The following SDK1 variants were observed in gnomAD, a reference collection of about 807,000 sequenced individuals.
The protein encoded by SDK1 is sidekick cell adhesion molecule 1.
Under a neutral mutation model 245.5 loss-of-function variants are expected in SDK1, and 157 were observed. That is an observed-to-expected ratio of 0.64 (90% CI 0.56 to 0.73). The LOEUF (loss-of-function observed/expected upper bound fraction) is 0.73. Among genes scored for constraint, SDK1 ranks in the 30% least tolerant of loss-of-function variants. The probability of loss-of-function intolerance (pLI) is 0.00; values close to 1 mark genes in which losing one functional copy is unlikely to be tolerated. For missense variants in SDK1, 3,583 were observed against 3,002.3 expected (o/e 1.19, Z -4.52); for synonymous variants, 1,647 against 1,278.5 (o/e 1.29, Z -6.15).
intron 1 of SDK1, among the ~76,000 whole-genome samples, chr7:3,535,944 C>G (rs900914027): frequency 6.6e-6 from 1 of 151,904 alleles, no homozygotes; most frequent in Non-Finnish European, 1.5e-5. Context: ...ATATTTATTA[C>G]TAGTCAATAT....
chr7:3,537,110 C>A (rs1232623040), intron 1 of SDK1, among the ~76,000 whole-genome samples: 1 of 152,154 alleles, frequency 6.6e-6, no homozygotes, highest in African/African-American at 2.4e-5. Context: ...TCCCTTAAAT[C>A]CCTGTTATCC....
intron 4 of SDK1, among the ~76,000 whole-genome samples, chr7:3,761,602 A>C (rs1317561302): frequency 6.6e-6 from 1 of 151,672 alleles, no homozygotes; most frequent in African/African-American, 2.4e-5. Context: ...TACAAGGATG[A>C]AGGTAGGGAA....
chr7:3,494,090 C>T (rs1055755544), intron 1 of SDK1, among the ~76,000 whole-genome samples: 4 of 151,958 alleles, frequency 2.6e-5, no homozygotes, highest in Admixed American at 6.6e-5. Context: ...ATTTAGAAGT[C>T]AGACATGTTC....
In SDK1 at chr7:3,977,434, C is replaced by A. The variant is rs116658725; in HGVS notation, c.1994+2889C>A. On this transcript the variant is annotated intron_variant, in intron 13 of 44. Coordinates refer to ENST00000404826, the MANE Select transcript of SDK1 (RefSeq NM_152744.4). Reference sequence around the variant, plus strand: ...GGGCTGAGGCTGCCACACAGAGGGTCCTCCAGCTTTTGTGTACGCATGGGG... The same window carrying A: ...GGGCTGAGGCTGCCACACAGAGGGTACTCCAGCTTTTGTGTACGCATGGGG... Among the ~76,000 whole-genome samples the A allele has an allele frequency of 1.6e-3, 240 of 152,208 alleles. 14 individuals carry two copies. The highest frequency in any genetic ancestry group is 5.5e-3 in the African/African-American group (226 of 41,432).
intron 35 of SDK1, among the ~76,000 whole-genome samples, chr7:4,185,634 G>A (rs540898741): frequency 8.5e-5 from 13 of 152,218 alleles, no homozygotes; most frequent in African/African-American, 1.7e-4. Context: ...TCTCTTTCCC[G>A]GGCAGGATTA....
chr7:4,042,403 G>A (rs1430168700), intron 17 of SDK1, among the ~76,000 whole-genome samples: 1 of 136,850 alleles, frequency 7.3e-6, no homozygotes, highest in African/African-American at 3.3e-5. Context: ...AGTGTCGGGG[G>A]CTTCAGGACA....
chr7:4,132,685 A>G (rs994052985), intron 28 of SDK1: 19 of 369,158 alleles, frequency 5.1e-5, no homozygotes, highest in South Asian at 1.3e-4. Context: ...CCAAGATTGC[A>G]TCACTGCACT....
intron 30 of SDK1, among the ~76,000 whole-genome samples, chr7:4,152,744 T>A (rs143049427): frequency 7.2e-5 from 11 of 152,264 alleles, no homozygotes; most frequent in African/African-American, 2.7e-4. Context: ...CCTTCCTGTT[T>A]AATAATCCTG....
intron 4 of SDK1, among the ~76,000 whole-genome samples, chr7:3,773,942 C>T (rs977782689): frequency 7.9e-5 from 12 of 152,130 alleles, no homozygotes; most frequent in Middle Eastern, 3.4e-3. Context: ...TGGCCAGGCA[C>T]GGTGGCTCAT....
intron 4 of SDK1, among the ~76,000 whole-genome samples, chr7:3,743,465 T>C (rs1362099195): frequency 1.3e-5 from 2 of 152,168 alleles, no homozygotes; most frequent in Non-Finnish European, 2.9e-5. Flanking sequence ...GTGGACCTTT[T>C]ACTTTAATTG....
intron 2 of SDK1, among the ~76,000 whole-genome samples, chr7:3,624,525 G>A (rs1338327388): frequency 6.6e-6 from 1 of 152,008 alleles, no homozygotes; most frequent in Non-Finnish European, 1.5e-5. Flanking sequence ...AAATGCCAAT[G>A]GGATTTTCTG....
At chr7:3,446,935 G>A (rs957344812) in intron 1 of SDK1, among the ~76,000 whole-genome samples, 1 of 152,064 alleles carries the variant, frequency 6.6e-6, no homozygotes, top group African/African-American at 2.4e-5. Context: ...TAGAACAACA[G>A]TCAAGAAAAA....
intron 5 of SDK1, among the ~76,000 whole-genome samples, chr7:3,911,790 C>T (rs1262379146): frequency 2.0e-5 from 3 of 152,180 alleles, no homozygotes; most frequent in East Asian, 3.9e-4. Flanking sequence ...GAACAAGGAG[C>T]AGGCCCTGCC....
At chr7:4,184,375 T>C (rs375599598) in intron 35 of SDK1, among the ~76,000 whole-genome samples, 1 of 152,178 alleles carries the variant, frequency 6.6e-6, no homozygotes, top group East Asian at 1.9e-4. Flanking sequence ...TGAGACCTTG[T>C]GCTGCTGTGG....
intron 1 of SDK1, among the ~76,000 whole-genome samples, chr7:3,419,464 A>G (rs1209655132): frequency 6.6e-6 from 1 of 152,150 alleles, no homozygotes; most frequent in African/African-American, 2.4e-5. Flanking sequence ...TCGGGGAAAC[A>G]TCAGCACAGA....
At chr7:3,978,718 A>G (rs1316574901) in intron 13 of SDK1, among the ~76,000 whole-genome samples, 3 of 152,176 alleles carry the variant, frequency 2.0e-5, no homozygotes, top group Non-Finnish European at 4.4e-5. Flanking sequence ...TGAGCTCTGT[A>G]GTGTTTCCAT....
chr7:4,254,269 C>T (rs983623423), intron 44 of SDK1, among the ~76,000 whole-genome samples: 9 of 151,888 alleles, frequency 5.9e-5, no homozygotes, highest in African/African-American at 2.2e-4. Flanking sequence ...TATGTTGGTG[C>T]TGTTAGTGCT....
At chr7:4,076,261 T>G (rs7777597) in intron 20 of SDK1, among the ~76,000 whole-genome samples, 6 of 152,170 alleles carry the variant, frequency 3.9e-5, no homozygotes, top group Admixed American at 2.0e-4. Flanking sequence ...AATATCGGCT[T>G]CCAAAAATGA....
intron 25 of SDK1, among the ~76,000 whole-genome samples, chr7:4,123,467 G>A (rs1784192999): frequency 6.6e-6 from 1 of 152,160 alleles, no homozygotes. Context: ...CCCTATGGGA[G>A]CTCTGTGCAG....
Sources: allele counts gnomAD v4.1 joint callset (sites outside exome capture counted in the v4.1 genomes callset), GRCh38; gene constraint gnomAD v4.1.1; transcripts MANE v1.5; gene names NCBI Gene and HGNC (gene_info 2026-07-23, HGNC 2026-07-21).